Variants in PHC3 observed in about 807,000 individuals in gnomAD.
PHC3 encodes polyhomeotic-like protein 3.
PHC3 carries 13 observed loss-of-function variants against 107.4 expected under a neutral mutation model. The ratio of observed to expected loss-of-function variants is 0.12; its 90% CI spans 0.08 to 0.19. The LOEUF is 0.19. PHC3 is among the 10% of genes least tolerant of loss of function. PHC3 has a pLI of 1.00. For missense variants in PHC3, 992 were observed against 1,210.9 expected, an observed-to-expected ratio of 0.82 and a Z score of 2.68; for synonymous variants, 456 against 427.4, an observed-to-expected ratio of 1.07 and a Z score of -0.83.
rs750010962 is a variant in PHC3, at chr3:170,172,678, G to A, written c.215C>T (p.Ser72Leu). The A allele has an allele frequency of 1.9e-6, 3 of 1,611,226 alleles. No homozygotes were observed. The highest frequency in any genetic ancestry group is 8.5e-7 in the Non-Finnish European group (1 of 1,177,852). ...CATTTGCTGAAGGTACTGAGCAGCT[G>A]AGCTGGGGGGCCGATGCAATGCCTG... ...IQQALHRPPS[S>L]AAQYLQQMYA... Residue 72 changes from serine (S) to leucine (L), a missense_variant, in exon 3 of 15, where the codon TCA becomes TTA. Around this residue, in one of 6 missense-constraint regions of PHC3, gnomAD observed 161 missense variants for 183.7 expected, o/e 0.88. Coordinates refer to ENST00000495893, the MANE Select transcript of PHC3 (RefSeq NM_024947.4).
In PHC3 at chr3:170,097,496, G is replaced by T; in HGVS notation, c.2834-112C>A. ...GGTCTGAGAATCTGAAATACAGGCT[G>T]AGAAACAAATGAAATTTATTTATGG... is the stretch of plus-strand genomic sequence containing the variant. On this transcript the variant is annotated intron_variant, in intron 14 of 14. Transcript: ENST00000495893. This position sits in a 1 kb window ranked among gnomAD's most constrained non-coding sequence, Gnocchi z 4.1. 9.9e-7 allele frequency: 1 copy of T among 1,010,906 alleles called. No homozygotes were observed. Among genetic ancestry groups the T allele is most frequent in the Non-Finnish European group, 1.4e-6 (1 of 738,556 alleles). 62.6% of individuals were successfully genotyped at this position (1,010,906 alleles called of 1,614,324 possible). A position where few individuals can be genotyped will look rare whatever the true frequency, so the allele number is the denominator to read the frequency against.
chr3:170,135,559 T>C (rs1273136262), intron 7 of PHC3, among the ~76,000 whole-genome samples: 1 of 151,634 alleles, frequency 6.6e-6, no homozygotes. Flanking sequence ...TAGAAAACTA[T>C]GCAGCTACAT....
chr3:170,143,827 C>A (rs1004279747), intron 6 of PHC3, among the ~76,000 whole-genome samples: 2 of 152,072 alleles, frequency 1.3e-5, no homozygotes, highest in Non-Finnish European at 2.9e-5. Context: ...TCACTCATGC[C>A]CCTTCCCAAT....
At chr3:170,156,166 G>A (rs931904841) in intron 4 of PHC3, among the ~76,000 whole-genome samples, 1 of 152,072 alleles carries the variant, frequency 6.6e-6, no homozygotes, top group East Asian at 1.9e-4. Context: ...GTTCAGGCTG[G>A]TCTCAAACTT....
chr3:170,114,564 C>T (rs1718533623), intron 10 of PHC3, among the ~76,000 whole-genome samples: 1 of 152,094 alleles, frequency 6.6e-6, no homozygotes, highest in South Asian at 2.1e-4. Context: ...CAAACTAATC[C>T]ACTATAATCA....
chr3:170,109,725 T>C (rs1717255290), intron 11 of PHC3, among the ~76,000 whole-genome samples: 1 of 152,128 alleles, frequency 6.6e-6, no homozygotes, highest in Non-Finnish European at 1.5e-5. Context: ...AGGAAGACCA[T>C]AAGCTACTTT....
At chr3:170,114,971 A>G (rs139959778) in intron 10 of PHC3, among the ~76,000 whole-genome samples, 33 of 152,332 alleles carry the variant, frequency 2.2e-4, no homozygotes, top group African/African-American at 7.5e-4. Context: ...AAAAACTCAC[A>G]TTCAATGCTA....
chr3:170,162,534 A>C (rs986118680), intron 4 of PHC3, among the ~76,000 whole-genome samples: 8 of 152,186 alleles, frequency 5.3e-5, no homozygotes, highest in African/African-American at 1.9e-4. Context: ...CTATAATTAA[A>C]GGTTAAAAAA....
chr3:170,178,996 G>A, intron 1 of PHC3, 58 bp from the exon 2 acceptor site: 3 of 1,449,332 alleles, frequency 2.1e-6, no homozygotes, highest in Non-Finnish European at 2.8e-6. Context: ...GAGCTTTAAA[G>A]AATATTCATT....
chr3:170,151,548 T>A (rs762935235), intron 4 of PHC3, among the ~76,000 whole-genome samples: 1 of 152,226 alleles, frequency 6.6e-6, no homozygotes, highest in Non-Finnish European at 1.5e-5. Flanking sequence ...CAAGGCAGTC[T>A]ATAAGGGTAT....
chr3:170,107,822 C>A (rs547767896), intron 11 of PHC3, among the ~76,000 whole-genome samples: 152 of 152,166 alleles, frequency 1.0e-3, no homozygotes, highest in Admixed American at 2.4e-3. Context: ...TAACACAAAG[C>A]GCAAAGACCC....
At position 170,114,150 on chromosome 3, in the gene PHC3, C is replaced by G. The variant is rs190617907; in HGVS notation, c.2194-631G>C. Among the ~76,000 whole-genome samples the G allele has an allele frequency of 2.3e-3, 345 of 152,250 alleles. 1 individual carries two copies. The highest frequency in any genetic ancestry group is 7.7e-3 in the African/African-American group (321 of 41,550). On this transcript the variant is annotated intron_variant, in intron 10 of 14. Coordinates refer to ENST00000495893, the MANE Select transcript of PHC3 (RefSeq NM_024947.4). ...TCGGCCTCCCAAGTAGCTGGGATTA[C>G]GGGCATGTGCCACCGCGCCTGGCTA... is the stretch of plus-strand genomic sequence containing the variant.
intron 2 of PHC3, among the ~76,000 whole-genome samples, chr3:170,172,950 T>C (rs79518241): frequency 0.11 from 16,877 of 152,172 alleles, 1,004 homozygotes; most frequent in Middle Eastern, 0.16. Context: ...TCCAGCACTT[T>C]GGGAGGCCGA....
Position 170,111,720 on chromosome 3 carries a change from A to T in PHC3, c.2353+1640T>A, listed in dbSNP as rs1717820330. ...ATATACTCCTTGCTGTTCAAATAAG[A>T]AGTAAAACGGTGATTCACATGTTGC... is the stretch of plus-strand genomic sequence containing the variant. On this transcript the variant is annotated intron_variant, in intron 11 of 14. Transcript: ENST00000495893. 5.9e-5 allele frequency among the ~76,000 whole-genome samples: 9 copies of T among 151,690 alleles called. 1 individual carries two copies. In the South Asian group the frequency reaches 1.9e-3, roughly 31 times the overall value.
At chr3:170,132,160 G>C (rs972702475) in intron 7 of PHC3, among the ~76,000 whole-genome samples, 5 of 152,122 alleles carry the variant, frequency 3.3e-5, no homozygotes, top group Non-Finnish European at 7.3e-5. Context: ...TAAATTCAGA[G>C]AATTAATGGC....
At chr3:170,126,528 A>ATATATTTTTTTTTT (rs370421296) in intron 8 of PHC3, among the ~76,000 whole-genome samples, 1 of 90,638 alleles carries the variant, frequency 1.1e-5, no homozygotes, top group Non-Finnish European at 2.1e-5. Context: ...ATATATATAT[A>ATATATTTTTTTTTT]TTTTTTTTTT....
At position 170,090,565 on chromosome 3, in the gene PHC3, A is replaced by G. The variant is rs1219117058; in HGVS notation, c.*6665T>C. The stretch of plus-strand genomic sequence containing the variant: ...TCTATTTTAATCCTTAGGAGAACAA[A>G]GACTGTAGGTGACCCAAGAAATGGA... On this transcript the variant is annotated 3_prime_UTR_variant, in exon 15 of 15. Coordinates refer to ENST00000495893, the MANE Select transcript of PHC3 (RefSeq NM_024947.4). 6.6e-6 allele frequency: 1 copy of G among 152,216 alleles called. No homozygotes were observed. Among genetic ancestry groups the G allele is most frequent in the African/African-American group, 2.4e-5 (1 of 41,452 alleles). 9.4% of individuals were successfully genotyped at this position (152,216 alleles called of 1,614,324 possible).
At chr3:170,120,898 A>C (rs542542782) in intron 9 of PHC3, among the ~76,000 whole-genome samples, 2 of 152,178 alleles carry the variant, frequency 1.3e-5, no homozygotes, top group Non-Finnish European at 2.9e-5. Flanking sequence ...TCAACAGAAC[A>C]GAATACGTAC....
At chr3:170,152,327 C>T (rs556242239) in intron 4 of PHC3, among the ~76,000 whole-genome samples, 35 of 150,248 alleles carry the variant, frequency 2.3e-4, no homozygotes, top group South Asian at 4.2e-4. Flanking sequence ...CCCACCACCA[C>T]GCCTGGCTAA....
Sources: allele counts gnomAD v4.1 joint callset (sites outside exome capture counted in the v4.1 genomes callset), GRCh38; gene constraint gnomAD v4.1.1; regional missense constraint gnomAD v4.1.1; non-coding constraint Gnocchi (gnomAD v3.1); transcripts MANE v1.5; gene names NCBI Gene and HGNC (gene_info 2026-07-23, HGNC 2026-07-21).